Variants in PCGF6 observed in about 807,000 individuals in gnomAD.
PCGF6 encodes the protein polycomb group ring finger 6.
In PCGF6, 24 loss-of-function variants were observed where a neutral mutation model predicts 45.5. The ratio of observed to expected loss-of-function variants is 0.53; its 90% CI spans 0.38 to 0.74. The LOEUF (loss-of-function observed/expected upper bound fraction) is 0.74, where lower values mean the gene tolerates loss of function less well. Ranked by LOEUF, PCGF6 falls within the 30% of genes least tolerant of loss-of-function variation. The pLI is 0.00. For missense variants in PCGF6, 356 were observed against 443.2 expected, an observed-to-expected ratio of 0.80 and a Z score of 1.77; for synonymous variants, 152 against 162.1, an observed-to-expected ratio of 0.94 and a Z score of 0.47.
intron 8 of PCGF6, among the ~76,000 whole-genome samples, chr10:103,325,965 G>T (rs774891099): frequency 8.5e-5 from 13 of 152,098 alleles, no homozygotes; most frequent in Non-Finnish European, 1.8e-4. Flanking sequence ...AAAACCTCAA[G>T]GTTGTAGTGA....
intron 9 of PCGF6, among the ~76,000 whole-genome samples, chr10:103,312,084 CAAAAAAAAAAAA>C (rs1225426465): frequency 4.2e-5 from 2 of 47,246 alleles, no homozygotes; most frequent in South Asian, 8.8e-4. Context: ...ACTCTGTCTC[CAAAAAAAAAAAA>C]AAAAAAAAAA....
intron 7 of PCGF6, among the ~76,000 whole-genome samples, chr10:103,333,347 A>T (rs1452149430): frequency 6.6e-6 from 1 of 152,030 alleles, no homozygotes; most frequent in Admixed American, 6.6e-5. Context: ...TGAAAATCTA[A>T]ACAGATCAAA....
At position 103,348,803 on chromosome 10, in the gene PCGF6, C is replaced by G; in HGVS notation, c.470G>C (p.Ser157Thr). 6.2e-7 allele frequency: 1 copy of G among 1,612,218 alleles called. No individual in the cohort carries two copies. Among genetic ancestry groups the G allele is most frequent in the South Asian group, 1.1e-5 (1 of 90,652 alleles). ...ITECLHTFCK[S>T]CIVRHFYYSN... ...GTAGTAAAAATGTCTTACGATGCAG[C>G]TTTTACAAACTGTTGAAAAAGAATG... The change falls in exon 3 of 10, where the codon AGC becomes ACC. Residue 157 changes from serine to threonine, a missense_variant. Ser to Thr is a moderately conservative substitution (Grantham distance 58). Around this residue, in one of 2 missense-constraint regions of PCGF6, gnomAD observed 307 missense variants for 350.1 expected, o/e 0.88. Transcript: ENST00000369847.
intron 3 of PCGF6, 21 bp from the exon 4 acceptor site, chr10:103,347,471 A>C: frequency 6.4e-7 from 1 of 1,568,252 alleles, no homozygotes; most frequent in South Asian, 1.1e-5. Flanking sequence ...GAAAGGATGG[A>C]GAATACCTCA....
At chr10:103,344,995 G>C (rs1476996104) in intron 6 of PCGF6, 29 bp downstream of exon 6, 2 of 1,451,788 alleles carry the variant, frequency 1.4e-6, no homozygotes, top group Non-Finnish European at 1.9e-6. Flanking sequence ...CATTCTTTAA[G>C]TTAAAAGGTA....
In PCGF6 at chr10:103,308,098, A is replaced by G. The variant is rs137911538; in HGVS notation, c.997-4137T>C. Among the ~76,000 whole-genome samples the G allele has an allele frequency of 5.3e-5, 8 of 152,208 alleles. No homozygotes were observed. The East Asian group carries it at 1.6e-3, about 30-fold the overall frequency. On this transcript the variant is annotated intron_variant, in intron 9 of 9. Coordinates refer to ENST00000369847, the MANE Select transcript of PCGF6 (RefSeq NM_001011663.2). The stretch of plus-strand genomic sequence containing the variant: ...GGCAGAGCCCTCACAGAGAACCTCT[A>G]CTAGGGCAGTGCGGAGGGGAAAAGT...
At position 103,349,711 on chromosome 10, in the gene PCGF6, G is replaced by A. The variant is rs984677517; in HGVS notation, c.361-712C>T. Among the ~76,000 whole-genome samples, 6 of 150,328 alleles carry A rather than the reference G, an allele frequency of 4.0e-5. No individual in the cohort carries two copies. The East Asian group carries it at 1.0e-3, about 25-fold the overall frequency. ...GGTCAGGCTGAACTCCTGACCTCGT[G>A]TTTCGCCTGCCTCGGCCTCCCAAAG... On this transcript the variant is annotated intron_variant, in intron 1 of 9. Coordinates refer to ENST00000369847, the MANE Select transcript of PCGF6 (RefSeq NM_001011663.2).
intron 1 of PCGF6, 57 bp downstream of exon 1, chr10:103,350,650 C>T: frequency 7.2e-7 from 1 of 1,383,558 alleles, no homozygotes; most frequent in East Asian, 2.9e-5. Context: ...AGACGAGGGC[C>T]AGCTACGTCC....
At chr10:103,335,381 T>G (rs1592070252) in intron 6 of PCGF6, among the ~76,000 whole-genome samples, 1 of 150,068 alleles carries the variant, frequency 6.7e-6, no homozygotes, top group Non-Finnish European at 1.5e-5. Context: ...TTTTTTTTTT[T>G]GAGACAGAGT....
intron 5 of PCGF6, among the ~76,000 whole-genome samples, chr10:103,345,647 G>A (rs1047111195): frequency 6.6e-6 from 1 of 151,486 alleles, no homozygotes; most frequent in African/African-American, 2.4e-5. Flanking sequence ...GGCCAACATC[G>A]CAAAACCCTG....
At chr10:103,309,688 T>A (rs913409694) in intron 9 of PCGF6, among the ~76,000 whole-genome samples, 2 of 152,094 alleles carry the variant, frequency 1.3e-5, no homozygotes, top group African/African-American at 4.8e-5. Flanking sequence ...CCCAGCACTT[T>A]GGGAGGCTGA....
chr10:103,303,955 G>C lies in PCGF6; in HGVS notation c.1003C>G (p.Leu335Val). Reference sequence around the variant, plus strand: ...ACAAGACCATAATGAAGGACAAGCAGACCATCCTGAAAAGGGGAGAAAAAA... The same window carrying C: ...ACAAGACCATAATGAAGGACAAGCACACCATCCTGAAAAGGGGAGAAAAAA... ...AIGDAAMQDG[L>V]LVLHYGLVVS... Residue 335 changes from leucine (L) to valine (V), a missense_variant, in exon 10 of 10, where the codon CTG (leucine) becomes GTG (valine). Transcript: ENST00000369847. 1 of 1,613,274 alleles carries C rather than the reference G, an allele frequency of 6.2e-7. No homozygotes were observed. The highest frequency in any genetic ancestry group is 8.5e-7 in the Non-Finnish European group (1 of 1,179,418).
In PCGF6 at chr10:103,350,938, C is replaced by A; in HGVS notation, c.129G>T (p.Glu43Asp). The change falls in exon 1 of 10, where the codon GAG (glutamate) becomes GAT (aspartate). Residue 43 changes from glutamate to aspartate, a missense_variant. Glu to Asp is a conservative substitution (Grantham distance 45). Coordinates refer to ENST00000369847, the MANE Select transcript of PCGF6 (RefSeq NM_001011663.2). ...CCGTCTCAGACAGAGGCGCCGGTCC[C>A]TCCTCACCCGCTGCGGGTGCAGGGG... Reference protein sequence around the residue: ...ALTPAPAAGEEGPAPLSETGA... With the variant: ...ALTPAPAAGEDGPAPLSETGA... 1 of 1,498,336 alleles carries A rather than the reference C, an allele frequency of 6.7e-7. No homozygotes were observed. Among genetic ancestry groups the A allele is most frequent in the East Asian group, 2.6e-5 (1 of 38,856 alleles). 92.8% of individuals were successfully genotyped at this position (1,498,336 alleles called of 1,614,324 possible).
intron 9 of PCGF6, among the ~76,000 whole-genome samples, chr10:103,305,726 A>G (rs2093135997): frequency 6.6e-6 from 1 of 152,112 alleles, no homozygotes; most frequent in South Asian, 2.1e-4. Context: ...ATGAAAGCCT[A>G]AAATATATAT....
chr10:103,329,222 T>C (rs907810085), intron 7 of PCGF6, among the ~76,000 whole-genome samples: 14 of 151,264 alleles, frequency 9.3e-5, no homozygotes, highest in African/African-American at 3.4e-4. Flanking sequence ...GTATTTTTAG[T>C]AGAGATGGGG....
intron 7 of PCGF6, among the ~76,000 whole-genome samples, chr10:103,327,463 A>G (rs1246711645): frequency 6.6e-6 from 1 of 152,188 alleles, no homozygotes; most frequent in Non-Finnish European, 1.5e-5. Flanking sequence ...TTCAGGGGAC[A>G]ATCTAGGAAA....
At chr10:103,317,183 G>A (rs1456690973) in intron 8 of PCGF6, among the ~76,000 whole-genome samples, 2 of 151,852 alleles carry the variant, frequency 1.3e-5, no homozygotes, top group South Asian at 2.1e-4. Context: ...GCTAATTTTT[G>A]TATTTTTAGT....
chr10:103,340,200 T>C (rs7923496), intron 6 of PCGF6, among the ~76,000 whole-genome samples: 1 of 102,706 alleles, frequency 9.7e-6, no homozygotes, highest in Non-Finnish European at 1.9e-5. Context: ...AAAAAAAAAA[T>C]ATATATATAT....
chr10:103,305,020 T>C (rs1402244933), intron 9 of PCGF6, among the ~76,000 whole-genome samples: 1 of 152,084 alleles, frequency 6.6e-6, no homozygotes, highest in East Asian at 1.9e-4. Flanking sequence ...TGGAGTGCAA[T>C]GGCGCGATCA....
Sources: allele counts gnomAD v4.1 joint callset (sites outside exome capture counted in the v4.1 genomes callset), GRCh38; gene constraint gnomAD v4.1.1; regional missense constraint gnomAD v4.1.1; transcripts MANE v1.5; gene names NCBI Gene and HGNC (gene_info 2026-07-23, HGNC 2026-07-21).